The following NAV3 variants were observed in gnomAD, a reference collection of about 807,000 sequenced individuals.
NAV3 encodes the protein pore membrane and/or filament interacting like protein 1.
NAV3 carries 87 observed loss-of-function variants against 244.7 expected under a neutral mutation model. The ratio of observed to expected loss-of-function variants is 0.36; its 90% CI spans 0.30 to 0.42. NAV3 has a LOEUF of 0.42. Ranked by LOEUF, NAV3 falls within the 20% of genes least tolerant of loss-of-function variation. The pLI is 1.00. For missense variants in NAV3, 2,663 were observed against 2,893.3 expected (o/e 0.92, Z 1.83); for synonymous variants, 1,126 against 1,042.2 (o/e 1.08, Z -1.55).
intron 30 of NAV3, among the ~76,000 whole-genome samples, chr12:78,184,152 A>G (rs763802476): frequency 7.2e-5 from 11 of 151,818 alleles, no homozygotes; most frequent in Non-Finnish European, 1.5e-4. Flanking sequence ...TACATACTCC[A>G]AAAAAACAAG....
Position 78,118,308 on chromosome 12 carries a change from C to G in NAV3, c.3040+11C>G, listed in dbSNP as rs376077865. 6.3e-7 allele frequency: 1 copy of G among 1,579,486 alleles called. No individual in the cohort carries two copies. Among genetic ancestry groups the G allele is most frequent in the African/African-American group, 1.4e-5 (1 of 73,128 alleles). On this transcript the variant is annotated intron_variant, in intron 14 of 39. Coordinates refer to ENST00000397909, the MANE Select transcript of NAV3 (RefSeq NM_001024383.2). ...CACTCAAAACACCCGGTAGGCTTGTCGTTTGCCAGCTGTTATGCAAAAGTG... is the reference window on the plus strand; with the variant it reads ...CACTCAAAACACCCGGTAGGCTTGTGGTTTGCCAGCTGTTATGCAAAAGTG...
rs146802629 is a variant in NAV3 at position 77,930,085 on chromosome 12, A to C, written c.244-10234A>C. ...TCTCCAACAAAAAGAATGAATTTCTACCCATTTAGCAATTTCTTATGGTGA... is the reference window on the plus strand; with the variant it reads ...TCTCCAACAAAAAGAATGAATTTCTCCCCATTTAGCAATTTCTTATGGTGA... On this transcript the variant is annotated intron_variant, in intron 1 of 39. Coordinates refer to ENST00000397909, the MANE Select transcript of NAV3 (RefSeq NM_001024383.2). Among the ~76,000 whole-genome samples, 199 of 152,262 alleles carry C rather than the reference A, an allele frequency of 1.3e-3. 2 individuals carry two copies. The highest frequency in any genetic ancestry group is 4.6e-3 in the African/African-American group (191 of 41,542).
chr12:77,724,612 T>C lies in NAV3; in HGVS notation c.72+152346T>C, dbSNP rs186439109. ...AGCCTGTTTGAATGCTTTGTACTAGTATTTTTCCATTTGCTCTTGGTGGTG... is the reference window on the plus strand; with the variant it reads ...AGCCTGTTTGAATGCTTTGTACTAGCATTTTTCCATTTGCTCTTGGTGGTG... On this transcript the variant is annotated intron_variant, in intron 2 of 8. Transcript: ENST00000550042. 1.6e-4 allele frequency among the ~76,000 whole-genome samples: 25 copies of C among 151,998 alleles called. No individual in the cohort carries two copies. In the East Asian group the frequency reaches 4.8e-3, roughly 29 times the overall value.
chr12:77,617,549 A>G (rs1275413779), intron 2 of NAV3, among the ~76,000 whole-genome samples: 1 of 152,206 alleles, frequency 6.6e-6, no homozygotes, highest in Admixed American at 6.5e-5. Flanking sequence ...GTAACATACC[A>G]ATATACTAAG....
chr12:77,860,739 T>C (rs1482878761), intron 1 of NAV3, among the ~76,000 whole-genome samples: 1 of 151,918 alleles, frequency 6.6e-6, no homozygotes, highest in Non-Finnish European at 1.5e-5. Flanking sequence ...TAAATAGAGC[T>C]CTGCATGATT....
chr12:77,951,767 T>C (rs941429334), intron 3 of NAV3, among the ~76,000 whole-genome samples: 2 of 152,048 alleles, frequency 1.3e-5, no homozygotes, highest in African/African-American at 4.8e-5. Flanking sequence ...ATGTCCTTTG[T>C]AGGGACATGG....
intron 16 of NAV3, among the ~76,000 whole-genome samples, chr12:78,124,201 A>T (rs1021944501): frequency 2.6e-5 from 4 of 152,230 alleles, no homozygotes; most frequent in African/African-American, 9.6e-5. Context: ...ATTCAGAAAT[A>T]AAGTCAAGTA....
At chr12:77,634,701 C>G (rs1872077069) in intron 2 of NAV3, among the ~76,000 whole-genome samples, 1 of 151,560 alleles carries the variant, frequency 6.6e-6, no homozygotes, top group Non-Finnish European at 1.5e-5. Context: ...GATGGGAGTT[C>G]TATGTTCTAG....
intron 2 of NAV3, among the ~76,000 whole-genome samples, chr12:77,646,043 ATTTAC>A (rs1314373414): frequency 6.6e-6 from 1 of 152,012 alleles, no homozygotes; most frequent in Non-Finnish European, 1.5e-5. Flanking sequence ...TTTATTTTGT[ATTTAC>A]TTAAGGTATA....
intron 2 of NAV3, among the ~76,000 whole-genome samples, chr12:77,703,818 T>C (rs1875669499): frequency 6.6e-6 from 1 of 152,182 alleles, no homozygotes; most frequent in African/African-American, 2.4e-5. Flanking sequence ...AGAATGACTG[T>C]GGAGCAGATA....
chr12:77,824,545 TA>T (rs1872888535), intron 2 of NAV3, among the ~76,000 whole-genome samples: 1 of 151,772 alleles, frequency 6.6e-6, no homozygotes, highest in African/African-American at 2.4e-5. Context: ...AAATTTGATA[TA>T]AACTATAAAA....
intron 12 of NAV3, among the ~76,000 whole-genome samples, chr12:78,088,499 A>G (rs1213063716): frequency 2.0e-5 from 3 of 152,006 alleles, no homozygotes; most frequent in Non-Finnish European, 2.9e-5. Flanking sequence ...GTTTGTTGAC[A>G]TGCGCTATTG....
At chr12:78,202,863 A>G (rs1157435537) in intron 38 of NAV3, among the ~76,000 whole-genome samples, 2 of 152,104 alleles carry the variant, frequency 1.3e-5, no homozygotes, top group East Asian at 1.9e-4. Context: ...AAGGAATTAT[A>G]TCTGTCGTGA....
At chr12:78,087,804 CTATT>C (rs1366761629) in intron 12 of NAV3, among the ~76,000 whole-genome samples, 14 of 151,812 alleles carry the variant, frequency 9.2e-5, no homozygotes, top group Admixed American at 9.2e-4. Flanking sequence ...AATTAGGGGT[CTATT>C]TATTTGTCCC....
chr12:77,738,009 G>A (rs954037572), intron 2 of NAV3, among the ~76,000 whole-genome samples: 16 of 151,862 alleles, frequency 1.1e-4, no homozygotes, highest in Admixed American at 2.6e-4. Flanking sequence ...CTGAATTTGC[G>A]CATCCTTCAA....
At chr12:78,046,392 A>G (rs1305735492) in intron 9 of NAV3, among the ~76,000 whole-genome samples, 1 of 152,154 alleles carries the variant, frequency 6.6e-6, no homozygotes, top group Admixed American at 6.5e-5. Flanking sequence ...CCCTCTAAAC[A>G]CAGCTTTAGC....
intron 2 of NAV3, among the ~76,000 whole-genome samples, chr12:77,694,364 T>A (rs1249031279): frequency 1.3e-5 from 2 of 150,990 alleles, no homozygotes; most frequent in Non-Finnish European, 2.9e-5. Context: ...TCCCAGCTAC[T>A]CAGGAGGCTG....
chr12:77,644,801 T>C (rs1779241392), intron 2 of NAV3, among the ~76,000 whole-genome samples: 1 of 152,102 alleles, frequency 6.6e-6, no homozygotes, highest in African/African-American at 2.4e-5. Flanking sequence ...AGTATACGGA[T>C]TTATTTAGCT....
chr12:77,760,301 G>T (rs1322486756), intron 2 of NAV3, among the ~76,000 whole-genome samples: 1 of 152,152 alleles, frequency 6.6e-6, no homozygotes, highest in Admixed American at 6.5e-5. Context: ...TCTTGGCCTT[G>T]GTACCACTGT....
Sources: allele counts gnomAD v4.1 joint callset (sites outside exome capture counted in the v4.1 genomes callset), GRCh38; gene constraint gnomAD v4.1.1; transcripts MANE v1.5; gene names NCBI Gene and HGNC (gene_info 2026-07-23, HGNC 2026-07-21).